Variants in SLC6A13 observed in about 807,000 individuals in gnomAD.
SLC6A13 encodes solute carrier family 6 member 13.
Under a neutral mutation model 72.9 loss-of-function variants are expected in SLC6A13, and 69 were observed. The ratio of observed to expected loss-of-function variants is 0.95; its 90% CI spans 0.78 to 1.16. The LOEUF (loss-of-function observed/expected upper bound fraction) is 1.16, where lower values mean the gene tolerates loss of function less well. Ranked by LOEUF, SLC6A13 falls within the 50% of genes most tolerant of loss-of-function variation. SLC6A13 has a pLI of 0.00. For missense variants in SLC6A13, 735 were observed against 760.5 expected (o/e 0.97, Z 0.39); for synonymous variants, 303 against 303.0 (o/e 1.00, Z 0.00).
rs1487650336 is a variant in SLC6A13, at chr12:224,881, C to T, written c.1061-368G>A. Among the ~76,000 whole-genome samples the T allele has an allele frequency of 2.0e-5, 3 of 152,218 alleles. No homozygotes were observed. The East Asian group carries it at 5.8e-4, about 29-fold the overall frequency. ...AGAAGTTTGTGCAGCAGATCTAGTG[C>T]AGAATGCAAGGAGGTGGCTGGGCCT... is the stretch of plus-strand genomic sequence containing the variant. On this transcript the variant is annotated intron_variant, in intron 9 of 14. Transcript: ENST00000343164.
Position 224,887 on chromosome 12 carries a change from G to T in SLC6A13, c.1061-374C>A, listed in dbSNP as rs944185198. 2.6e-5 allele frequency among the ~76,000 whole-genome samples: 4 copies of T among 152,324 alleles called. No homozygotes were observed. The East Asian group carries it at 7.7e-4, about 29-fold the overall frequency. On this transcript the variant is annotated intron_variant, in intron 9 of 14. Transcript: ENST00000343164. ...TTGTGCAGCAGATCTAGTGCAGAAT[G>T]CAAGGAGGTGGCTGGGCCTGGTGGG...
At chr12:223,970 C>A in intron 11 of SLC6A13, 22 bp downstream of exon 11, 1 of 1,612,534 alleles carries the variant, frequency 6.2e-7, no homozygotes. Flanking sequence ...CCCCAGCCTT[C>A]CCCCGCTTCC....
At chr12:239,824 G>A (rs547372073) in intron 4 of SLC6A13, among the ~76,000 whole-genome samples, 1 of 152,324 alleles carries the variant, frequency 6.6e-6, no homozygotes, top group African/African-American at 2.4e-5. Context: ...GGACGCTGCA[G>A]TGCACCCAGA....
chr12:233,178 C>T (rs749307903), intron 7 of SLC6A13, among the ~76,000 whole-genome samples: 9 of 152,234 alleles, frequency 5.9e-5, no homozygotes, highest in Non-Finnish European at 1.0e-4. Context: ...CTCACTCCCC[C>T]GGCAGGGTGG....
intron 4 of SLC6A13, among the ~76,000 whole-genome samples, chr12:242,374 G>A (rs1269825361): frequency 1.3e-5 from 2 of 152,202 alleles, no homozygotes; most frequent in African/African-American, 4.8e-5. Context: ...TTAAGCAAAT[G>A]GCTAAACAAC....
chr12:222,574 A>G lies in SLC6A13; in HGVS notation c.1473T>C (p.Leu491=), dbSNP rs1205017800. The G allele has an allele frequency of 6.2e-7, 1 of 1,610,812 alleles. No homozygotes were observed. The highest frequency in any genetic ancestry group is 8.5e-7 in the Non-Finnish European group (1 of 1,178,300). The change falls in exon 13 of 15, where the codon CTT becomes CTC. Residue 491 remains leucine (L), a synonymous_variant. Transcript: ENST00000343164. ...TGAGGAAGAGCCAACAGTATTTGAT[A>G]AGAGGCCATGGCCTGTACCCAATCA... ...EDMIGYRPWP[L]IKYCWLFLTP... is the part of the protein sequence containing the mutation.
rs757983715 is a variant in SLC6A13, at chr12:223,979, C to A, written c.1311+13G>T. The A allele has an allele frequency of 1.2e-6, 2 of 1,609,718 alleles. No homozygotes were observed. The highest frequency in any genetic ancestry group is 1.3e-5 in the African/African-American group (1 of 74,212). On this transcript the variant is annotated intron_variant, in intron 11 of 14. Transcript: ENST00000343164. Reference sequence around the variant, plus strand: ...CCTCCTCCCCAGCCTTCCCCCGCTTCCCAGGCCCTCACCTCTGTGAGCATG... The same window carrying A: ...CCTCCTCCCCAGCCTTCCCCCGCTTACCAGGCCCTCACCTCTGTGAGCATG...
chr12:242,303 G>A (rs988052740), intron 4 of SLC6A13, among the ~76,000 whole-genome samples: 2 of 152,096 alleles, frequency 1.3e-5, no homozygotes, highest in African/African-American at 4.8e-5. Flanking sequence ...GAAGATACGC[G>A]AAACAAATGA....
intron 2 of SLC6A13, among the ~76,000 whole-genome samples, chr12:249,201 A>G (rs1303697338): frequency 6.6e-6 from 1 of 152,192 alleles, no homozygotes; most frequent in East Asian, 1.9e-4. Flanking sequence ...ACCTTAAGAA[A>G]TCAGAAATTA....
At chr12:230,835 G>A (rs982086918) in intron 7 of SLC6A13, among the ~76,000 whole-genome samples, 1 of 152,214 alleles carries the variant, frequency 6.6e-6, no homozygotes, top group Non-Finnish European at 1.5e-5. Context: ...AGGGCCTGGC[G>A]AATAAGAGGG....
At position 237,944 on chromosome 12, in the gene SLC6A13, G is replaced by A. The variant is rs752464448; in HGVS notation, c.545C>T (p.Pro182Leu). ...CACTTACTCCCAGAACTCGATGACAGGAGAGGTGGCATTCTCAGAGGTACC... is the reference window on the plus strand; with the variant it reads ...CACTTACTCCCAGAACTCGATGACAAGAGAGGTGGCATTCTCAGAGGTACC... The part of the protein sequence containing the change: ...LNGTSENATS[P>L]VIEFWERRVL... The change falls in exon 5 of 15, where the codon CCT (proline) becomes CTT (leucine). Residue 182 changes from proline to leucine, a missense_variant. Coordinates refer to ENST00000343164, the MANE Select transcript of SLC6A13 (RefSeq NM_016615.5). 6.2e-7 allele frequency: 1 copy of A among 1,613,866 alleles called. No homozygotes were observed. The highest frequency in any genetic ancestry group is 8.5e-7 in the Non-Finnish European group (1 of 1,179,734).
chr12:252,920 G>T (rs1942605287), intron 2 of SLC6A13, among the ~76,000 whole-genome samples: 2 of 151,270 alleles, frequency 1.3e-5, no homozygotes, highest in South Asian at 4.2e-4. Flanking sequence ...GCAAGGAGGG[G>T]CTACAGGCCC....
intron 1 of SLC6A13, among the ~76,000 whole-genome samples, chr12:261,424 T>C (rs904063527): frequency 6.6e-6 from 1 of 152,220 alleles, no homozygotes; most frequent in African/African-American, 2.4e-5. Context: ...TCCCTTTGAT[T>C]ACATTGGCTG....
intron 4 of SLC6A13, 91 bp from the exon 5 acceptor site, chr12:238,101 G>A (rs1450260212): frequency 7.6e-6 from 12 of 1,570,482 alleles, no homozygotes; most frequent in East Asian, 2.3e-5. Context: ...CTAGGAGAAT[G>A]GGAAGGAAGG....
intron 7 of SLC6A13, among the ~76,000 whole-genome samples, chr12:233,144 A>G (rs1019387290): frequency 6.6e-6 from 1 of 152,206 alleles, no homozygotes; most frequent in African/African-American, 2.4e-5. Flanking sequence ...TCCAGCAACA[A>G]GAGGAGGAGC....
Position 224,187 on chromosome 12 carries a change from T to C in SLC6A13, c.1174-58A>G, listed in dbSNP as rs1453391195. On this transcript the variant is annotated intron_variant, in intron 10 of 14. Coordinates refer to ENST00000343164, the MANE Select transcript of SLC6A13 (RefSeq NM_016615.5). ...GAGAGCTCCCGAGATGCCCTGTCCA[T>C]GAGCGCTGGCTTCTCGCTCCCAGGA... 1.3e-5 allele frequency: 21 copies of C among 1,604,434 alleles called. No individual in the cohort carries two copies. In the Middle Eastern group the frequency reaches 2.5e-3, roughly 192 times the overall value.
chr12:235,149 C>T lies in SLC6A13; in HGVS notation c.772G>A (p.Ala258Thr). The T allele has an allele frequency of 6.2e-7, 1 of 1,614,154 alleles. No homozygotes were observed. The highest frequency in any genetic ancestry group is 8.5e-7 in the Non-Finnish European group (1 of 1,180,000). ...AGGTAAAACTGAATTCCTTGGGCTG[C>T]CCCAGGCAACGTCACCCCTCGAATT... ...LLIRGVTLPG[A>T]AQGIQFYLYP... The change falls in exon 7 of 15, where the codon GCA becomes ACA. Residue 258 changes from alanine (A) to threonine (T), a missense_variant. Ala to Thr is a moderately conservative substitution (Grantham distance 58, BLOSUM62 0). Transcript: ENST00000343164.
At chr12:260,189 A>G (rs1942882601) in intron 1 of SLC6A13, 132 bp from the exon 2 acceptor site, 1 of 918,974 alleles carries the variant, frequency 1.1e-6, no homozygotes, top group African/African-American at 1.7e-5. Flanking sequence ...TTCCCTGTAG[A>G]CCATGTCCTC....
At chr12:227,714 G>A in intron 7 of SLC6A13, 46 bp from the exon 8 acceptor site, 1 of 1,490,704 alleles carries the variant, frequency 6.7e-7, no homozygotes, top group Non-Finnish European at 9.2e-7. Flanking sequence ...GGAAAGCCAG[G>A]CCATTCAAGC....
Sources: gnomAD v4.1 joint callset for allele counts (sites outside exome capture counted in the v4.1 genomes callset) on GRCh38, gnomAD v4.1.1 for gene constraint, MANE v1.5 for transcripts, NCBI Gene and HGNC (gene_info 2026-07-23, HGNC 2026-07-21) for gene names.